GLG1: variants seen among roughly 807,000 people sequenced by gnomAD.
GLG1 encodes the protein Golgi apparatus protein 1.
In GLG1, 38 loss-of-function variants were observed where a neutral mutation model predicts 160.5. The observed-to-expected ratio is 0.24, with a 90% confidence interval of 0.18 to 0.31. GLG1 has a LOEUF of 0.31. GLG1 is among the 10% of genes least tolerant of loss of function. The probability of loss-of-function intolerance (pLI) is 1.00; values close to 1 mark genes in which losing one functional copy is unlikely to be tolerated. For synonymous variants in GLG1, 644 were observed against 543.4 expected (o/e 1.19, Z -2.57); for missense variants, 1,373 against 1,505.2 (o/e 0.91, Z 1.45).
rs1491436581 is a variant in GLG1 at position 74,498,448 on chromosome 16, G to GTGTATA, written c.775-1805_775-1804insTATACA. Among the ~76,000 whole-genome samples, 13 of 24,038 alleles carry GTGTATA rather than the reference G, an allele frequency of 5.4e-4. 2 individuals are homozygous for GTGTATA. Among genetic ancestry groups the GTGTATA allele is most frequent in the Non-Finnish European group, 6.2e-4 (8 of 12,960 alleles). The allele number at this position is 24,038 out of a possible 152,430, so 15.8% of individuals were successfully genotyped here. A position where few individuals can be genotyped will look rare whatever the true frequency, so the allele number is the denominator to read the frequency against. On this transcript the variant is annotated intron_variant, in intron 4 of 25. Coordinates refer to ENST00000422840, the MANE Select transcript of GLG1 (RefSeq NM_001145667.2). ...GGCTCTGTCTCAAAAAAAAAAAAAA[G>GTGTATA]TATATATATATATATATATTATATT...
intron 1 of GLG1, among the ~76,000 whole-genome samples, chr16:74,603,071 C>A (rs1448516236): frequency 6.7e-6 from 1 of 149,256 alleles, no homozygotes; most frequent in African/African-American, 2.5e-5. Context: ...GCCTGAGCAA[C>A]AGGGCAAGAC....
chr16:74,546,594 T>C (rs1417272461), intron 1 of GLG1, among the ~76,000 whole-genome samples: 3 of 151,596 alleles, frequency 2.0e-5, no homozygotes, highest in Non-Finnish European at 4.4e-5. Context: ...CCCAGCACTT[T>C]GGGAGGCCAA....
chr16:74,531,738 A>C (rs2017541454), intron 2 of GLG1, among the ~76,000 whole-genome samples: 1 of 152,206 alleles, frequency 6.6e-6, no homozygotes, highest in Non-Finnish European at 1.5e-5. Flanking sequence ...TACTTTTTGC[A>C]CAGAGTTGAT....
intron 1 of GLG1, among the ~76,000 whole-genome samples, chr16:74,570,903 C>T (rs1029054499): frequency 5.9e-5 from 9 of 151,832 alleles, no homozygotes; most frequent in Non-Finnish European, 7.4e-5. Flanking sequence ...CACCCGCTGG[C>T]CCCTCAAAAA....
intron 25 of GLG1, 38 bp from the exon 26 acceptor site, chr16:74,453,372 C>T: frequency 7.0e-7 from 1 of 1,432,112 alleles, no homozygotes. Context: ...TCTGAGAGAG[C>T]ACTGGGCTGG....
intron 22 of GLG1, among the ~76,000 whole-genome samples, chr16:74,461,098 A>C (rs1355066799): frequency 1.3e-5 from 2 of 152,078 alleles, no homozygotes; most frequent in East Asian, 3.9e-4. Context: ...GCTCTCCACA[A>C]GGCCTTTTCT....
Position 74,606,899 on chromosome 16 carries a change from G to T in GLG1, c.196C>A (p.Leu66Met). 6.2e-7 allele frequency: 1 copy of T among 1,604,302 alleles called. No homozygotes were observed. Among genetic ancestry groups the T allele is most frequent in the Admixed American group, 1.7e-5 (1 of 58,224 alleles). The change falls in exon 1 of 26, where the codon CTG becomes ATG. Residue 66 changes from leucine to methionine, a missense_variant. Leu to Met is a conservative substitution (Grantham distance 15). This residue lies in a region of GLG1 where 322 missense variants were observed against 254.6 expected (regional missense o/e 1.26). Transcript: ENST00000422840. ...TGCTGAAGCTGCGATGACTGAGGCA[G>T]CTGGGGCAGCTGCTGACCCGCCGGG... ...GGPAGQQLPQLPQSSQLQQQQ... is the reference protein window; with the variant it reads ...GGPAGQQLPQMPQSSQLQQQQ...
chr16:74,579,547 C>A (rs1190974142), intron 1 of GLG1, among the ~76,000 whole-genome samples: 2 of 151,470 alleles, frequency 1.3e-5, no homozygotes, highest in East Asian at 3.9e-4. Flanking sequence ...CATGGCAAAA[C>A]CCCATCACTA....
At chr16:74,566,576 C>G (rs956779567) in intron 1 of GLG1, among the ~76,000 whole-genome samples, 1 of 152,206 alleles carries the variant, frequency 6.6e-6, no homozygotes, top group African/African-American at 2.4e-5. Flanking sequence ...TTAATCCAGA[C>G]TACCGTCTTC....
rs549780264 is a variant in GLG1 at position 74,604,510 on chromosome 16, A to C, written c.438+2147T>G. 2.2e-4 allele frequency among the ~76,000 whole-genome samples: 34 copies of C among 152,376 alleles called. No homozygotes were observed. The East Asian group carries it at 6.2e-3, about 28-fold the overall frequency. ...TATGCTCTGCCTTTTCATAATTCCA[A>C]TAATGGGTACGGATAGGAAAATGTT... On this transcript the variant is annotated intron_variant, in intron 1 of 25. Transcript: ENST00000422840.
intron 1 of GLG1, chr16:74,552,806 C>T (rs1250212651): frequency 6.5e-6 from 1 of 153,732 alleles, no homozygotes; most frequent in Admixed American, 6.5e-5. Context: ...AATGCAGGTC[C>T]TTCTGCTTAA....
rs539382817 is a variant in GLG1, at chr16:74,515,779, T to C, written c.472-6854A>G. On this transcript the variant is annotated intron_variant, in intron 2 of 25. Transcript: ENST00000422840. ...AAACTGGATAAAGAGTCAAGACCCA[T>C]CAGTGTGCTGTATTCAGGAAACCCC... Among the ~76,000 whole-genome samples, 3 of 151,676 alleles carry C rather than the reference T, an allele frequency of 2.0e-5. No individual in the cohort carries two copies. In the South Asian group the frequency reaches 6.2e-4, roughly 31 times the overall value.
intron 8 of GLG1, among the ~76,000 whole-genome samples, chr16:74,490,367 G>A (rs912005518): frequency 3.3e-5 from 5 of 152,124 alleles, no homozygotes; most frequent in Admixed American, 6.6e-5. Flanking sequence ...CATGGCACAC[G>A]TTTACCCATG....
Position 74,454,671 on chromosome 16 carries a change from A to G in GLG1, c.3373-1337T>C, listed in dbSNP as rs1364098397. ...ACAGGACGAGAATCCGTCCCCAAAA[A>G]AAAAAAAAAAAAAAAAAAAAAAAAA... is the stretch of plus-strand genomic sequence containing the variant. On this transcript the variant is annotated intron_variant, in intron 25 of 25. Coordinates refer to ENST00000422840, the MANE Select transcript of GLG1 (RefSeq NM_001145667.2). Among the ~76,000 whole-genome samples, 3 of 69,614 alleles carry G rather than the reference A, an allele frequency of 4.3e-5. No individual in the cohort carries two copies. In the East Asian group the frequency reaches 9.4e-4, roughly 22 times the overall value. The allele number at this position is 69,614 out of a possible 152,430, so 45.7% of individuals were successfully genotyped here.
intron 16 of GLG1, 150 bp from the exon 17 acceptor site, chr16:74,469,213 G>A: frequency 3.2e-6 from 2 of 620,600 alleles, no homozygotes; most frequent in South Asian, 1.9e-5. Context: ...TTTTTTCAGG[G>A]TGCTAAAAGC....
At chr16:74,576,726 G>C (rs1303499802) in intron 1 of GLG1, among the ~76,000 whole-genome samples, 1 of 151,850 alleles carries the variant, frequency 6.6e-6, no homozygotes, top group Non-Finnish European at 1.5e-5. Context: ...TCTTTTTTAA[G>C]GTACAAAAAT....
rs189642504 is a variant in GLG1 at position 74,580,400 on chromosome 16, A to C, written c.438+26257T>G. On this transcript the variant is annotated intron_variant, in intron 1 of 25. Transcript: ENST00000422840. ...TGTCGTCCCTGCTACTCAGGAGACC[A>C]AGATGGGAAGAGTGCTTGGGCCCAG... Among the ~76,000 whole-genome samples the C allele has an allele frequency of 1.5e-3, 224 of 152,250 alleles. 1 individual carries two copies. In the South Asian group the frequency reaches 0.016, roughly 11 times the overall value.
At position 74,606,715 on chromosome 16, in the gene GLG1, G is replaced by A; in HGVS notation, c.380C>T (p.Pro127Leu). 3 of 1,612,344 alleles carry A rather than the reference G, an allele frequency of 1.9e-6. No homozygotes were observed. Among genetic ancestry groups the A allele is most frequent in the East Asian group, 2.2e-5 (1 of 44,822 alleles). Residue 127 changes from proline to leucine, a missense_variant, in exon 1 of 26, where the codon CCT becomes CTT. Physicochemically the swap from Pro to Leu is moderately conservative, Grantham distance 98. This residue lies in a region of GLG1 where 322 missense variants were observed against 254.6 expected (regional missense o/e 1.26). Transcript: ENST00000422840. ...SCREDVTRVC[P>L]KHTWSNNLAV... ...CAGGTTGTTGCTCCAGGTGTGCTTA[G>A]GGCACACGCGGGTCACGTCCTCCCT...
intron 1 of GLG1, among the ~76,000 whole-genome samples, chr16:74,589,419 G>T (rs181522344): frequency 6.6e-6 from 1 of 152,110 alleles, no homozygotes; most frequent in African/African-American, 2.4e-5. Context: ...GAGAAGCAGC[G>T]GGCTGTGCTG....
Sources: gnomAD v4.1 joint callset for allele counts (sites outside exome capture counted in the v4.1 genomes callset) on GRCh38, gnomAD v4.1.1 for gene constraint, gnomAD v4.1.1 regional missense constraint, MANE v1.5 for transcripts, NCBI Gene and HGNC (gene_info 2026-07-23, HGNC 2026-07-21) for gene names.